MGMT: variants seen among roughly 807,000 people sequenced by gnomAD.
MGMT encodes the protein O-6-methylguanine-DNA methyltransferase, also known as methylated-DNA--protein-cysteine methyltransferase.
MGMT carries 14 observed loss-of-function variants against 15.9 expected under a neutral mutation model. That is an observed-to-expected ratio of 0.88 (90% CI 0.58 to 1.37). The LOEUF is 1.37. Ranked by LOEUF, MGMT falls within the 40% of genes most tolerant of loss-of-function variation. MGMT has a pLI of 0.00. For synonymous variants in MGMT, 130 were observed against 118.2 expected (o/e 1.10, Z -0.65); for missense variants, 282 against 268.1 (o/e 1.05, Z -0.36).
chr10:129,536,404 A>G (rs1182853531), intron 2 of MGMT, 27 bp downstream of exon 2: 3 of 1,597,794 alleles, frequency 1.9e-6, no homozygotes, highest in Non-Finnish European at 2.6e-6. Flanking sequence ...GTGATCCTGT[A>G]TACCGCACAT....
chr10:129,654,168 G>T (rs1432839399), intron 2 of MGMT, among the ~76,000 whole-genome samples: 1 of 152,206 alleles, frequency 6.6e-6, no homozygotes, highest in Admixed American at 6.5e-5. Context: ...ATGCAGGTGG[G>T]AAGCTGGATG....
chr10:129,657,205 T>A (rs1847533993), intron 2 of MGMT, among the ~76,000 whole-genome samples: 1 of 152,170 alleles, frequency 6.6e-6, no homozygotes, highest in Non-Finnish European at 1.5e-5. Context: ...TCCCTTAGCT[T>A]CCTTTCCTCA....
chr10:129,606,167 T>G (rs1291842708), intron 2 of MGMT, among the ~76,000 whole-genome samples: 1 of 152,086 alleles, frequency 6.6e-6, no homozygotes, highest in Non-Finnish European at 1.5e-5. Context: ...GTAATCAAGG[T>G]GCTAGGTACT....
At chr10:129,666,492 T>C (rs1847660455) in intron 2 of MGMT, among the ~76,000 whole-genome samples, 1 of 152,204 alleles carries the variant, frequency 6.6e-6, no homozygotes, top group Non-Finnish European at 1.5e-5. Context: ...TATTTTTTGC[T>C]AAGTTTAGCC....
chr10:129,578,238 G>C (rs1437137129), intron 2 of MGMT, among the ~76,000 whole-genome samples: 1 of 152,174 alleles, frequency 6.6e-6, no homozygotes, highest in African/African-American at 2.4e-5. Context: ...GTACACGTAT[G>C]TTTATTGCAG....
chr10:129,664,156 T>A (rs1237091240), intron 2 of MGMT, among the ~76,000 whole-genome samples: 1 of 152,164 alleles, frequency 6.6e-6, no homozygotes, highest in African/African-American at 2.4e-5. Context: ...GGTAGTTTGG[T>A]ATTAGGAAAT....
chr10:129,474,206 G>A (rs957809343), intron 1 of MGMT, among the ~76,000 whole-genome samples: 1 of 152,242 alleles, frequency 6.6e-6, no homozygotes, highest in African/African-American at 2.4e-5. Context: ...GCTGCGCTGG[G>A]TGAAGGGCCT....
intron 1 of MGMT, among the ~76,000 whole-genome samples, chr10:129,503,975 T>A (rs1845600556): frequency 6.6e-6 from 1 of 152,344 alleles, no homozygotes; most frequent in South Asian, 2.1e-4. Flanking sequence ...AACATCTCAT[T>A]GTAGCCTGAT....
intron 2 of MGMT, among the ~76,000 whole-genome samples, chr10:129,603,687 A>C (rs1320870757): frequency 2.6e-5 from 4 of 152,260 alleles, no homozygotes; most frequent in African/African-American, 4.8e-5. Context: ...TGCTAATTTC[A>C]AATGCCTTTG....
intron 4 of MGMT, among the ~76,000 whole-genome samples, chr10:129,760,858 G>T (rs1452971688): frequency 1.5e-4 from 23 of 152,192 alleles, no homozygotes; most frequent in African/African-American, 5.6e-4. Context: ...TGGTGACAGT[G>T]GCTGGTGGGC....
intron 2 of MGMT, among the ~76,000 whole-genome samples, chr10:129,576,882 T>C (rs946582424): frequency 5.3e-5 from 8 of 152,334 alleles, no homozygotes; most frequent in African/African-American, 1.9e-4. Flanking sequence ...AGCATTCTTA[T>C]ACACCAATAA....
rs548665137 is a variant in MGMT at position 129,738,848 on chromosome 10, C to G, written c.275-20354C>G. Reference sequence around the variant, plus strand: ...ATACCAAAGGCTGGCAGAGACACAACAAAAAAAGAGAATTTTAGGCCAATA... The same window carrying G: ...ATACCAAAGGCTGGCAGAGACACAAGAAAAAAAGAGAATTTTAGGCCAATA... On this transcript the variant is annotated intron_variant, in intron 3 of 4. Transcript: ENST00000651593. Among the ~76,000 whole-genome samples the G allele has an allele frequency of 5.5e-4, 83 of 152,060 alleles. 1 individual carries two copies. In the Middle Eastern group the frequency reaches 0.01, roughly 19 times the overall value.
At chr10:129,669,239 C>T (rs780185573) in intron 2 of MGMT, among the ~76,000 whole-genome samples, 29 of 152,018 alleles carry the variant, frequency 1.9e-4, no homozygotes, top group Admixed American at 3.9e-4. Flanking sequence ...CTATGTTGCC[C>T]AGACTGGCTT....
intron 2 of MGMT, among the ~76,000 whole-genome samples, chr10:129,641,677 C>G (rs1158696069): frequency 6.6e-6 from 1 of 152,132 alleles, no homozygotes; most frequent in East Asian, 1.9e-4. Flanking sequence ...GACAAAATGA[C>G]TCATTGGAAT....
At chr10:129,646,748 A>ATTTTTTTTTTTTT (rs1229950159) in intron 2 of MGMT, among the ~76,000 whole-genome samples, 1 of 63,642 alleles carries the variant, frequency 1.6e-5, no homozygotes, top group Non-Finnish European at 3.5e-5. Context: ...ATATATATAT[A>ATTTTTTTTTTTTT]TATATATTTT....
intron 2 of MGMT, chr10:129,537,194 A>C (rs1845995611): frequency 6.6e-6 from 1 of 152,142 alleles, no homozygotes; most frequent in South Asian, 2.1e-4. Context: ...TGTTTCTCTT[A>C]ACTGGCTAAT....
chr10:129,679,004 C>A (rs1393420642), intron 2 of MGMT, among the ~76,000 whole-genome samples: 1 of 150,742 alleles, frequency 6.6e-6, no homozygotes, highest in Non-Finnish European at 1.5e-5. Context: ...ACCCAGGAGG[C>A]AGAGGTTGCA....
At chr10:129,571,542 G>A (rs1202304875) in intron 2 of MGMT, among the ~76,000 whole-genome samples, 2 of 152,096 alleles carry the variant, frequency 1.3e-5, no homozygotes, top group Non-Finnish European at 1.5e-5. Flanking sequence ...AATCAAGGAG[G>A]CAATCTTTCA....
chr10:129,760,476 A>G (rs1848859927), intron 4 of MGMT, among the ~76,000 whole-genome samples: 1 of 152,232 alleles, frequency 6.6e-6, no homozygotes, highest in South Asian at 2.1e-4. Flanking sequence ...TTACTAAATC[A>G]GATAGACCTC....
Sources: allele counts gnomAD v4.1 joint callset (sites outside exome capture counted in the v4.1 genomes callset), GRCh38; gene constraint gnomAD v4.1.1; transcripts MANE v1.5; gene names NCBI Gene and HGNC (gene_info 2026-07-23, HGNC 2026-07-21).